Variants in SLC16A10 observed in about 807,000 individuals in gnomAD.
SLC16A10 encodes the protein monocarboxylate transporter 10.
In SLC16A10, 27 loss-of-function variants were observed where a neutral mutation model predicts 40.0. That is an observed-to-expected ratio of 0.67 (90% CI 0.50 to 0.93). SLC16A10 has a LOEUF of 0.93. Among genes scored for constraint, SLC16A10 ranks in the 40% least tolerant of loss-of-function variants. The pLI, the probability that SLC16A10 is intolerant of heterozygous loss-of-function variation, is 0.00. For missense variants in SLC16A10, 529 were observed against 658.2 expected (o/e 0.80, Z 2.15); for synonymous variants, 213 against 249.8 (o/e 0.85, Z 1.39).
intron 1 of SLC16A10, among the ~76,000 whole-genome samples, chr6:111,092,332 T>G (rs1170685256): frequency 2.0e-5 from 3 of 147,640 alleles, no homozygotes; most frequent in Non-Finnish European, 3.0e-5. Flanking sequence ...TTTTTTTTTT[T>G]TTTTTGAGAC....
In SLC16A10 at chr6:111,229,224, G is replaced by A. The variant is rs1324364343; in HGVS notation, c.*6989G>A. ...ATAGAAAATGTATACAGCCAGCAAC[G>A]TTATGCATGTTGCATGTTATATACA... On this transcript the variant is annotated 3_prime_UTR_variant, in exon 6 of 6. Transcript: ENST00000368851. The A allele has an allele frequency of 6.6e-6, 1 of 151,898 alleles. No individual in the cohort carries two copies. Among genetic ancestry groups the A allele is most frequent in the African/African-American group, 2.4e-5 (1 of 41,346 alleles). 9.4% of individuals were successfully genotyped at this position (151,898 alleles called of 1,614,324 possible).
chr6:111,218,697 G>A, intron 4 of SLC16A10, 117 bp from the exon 5 acceptor site: 1 of 776,118 alleles, frequency 1.3e-6, no homozygotes, highest in South Asian at 1.6e-5. Flanking sequence ...AGTGAATGAG[G>A]CAGTGGCAGG....
At chr6:111,159,067 C>CAAAAAAAAAAAAA (rs548809670) in intron 1 of SLC16A10, among the ~76,000 whole-genome samples, 1 of 23,394 alleles carries the variant, frequency 4.3e-5, no homozygotes, top group Non-Finnish European at 8.1e-5. Flanking sequence ...GACCCTGACT[C>CAAAAAAAAAAAAA]AAAAAAAAAA....
chr6:111,099,404 C>T lies in SLC16A10; in HGVS notation c.343+11309C>T, dbSNP rs560175100. Among the ~76,000 whole-genome samples the T allele has an allele frequency of 8.0e-4, 122 of 152,282 alleles. 3 individuals carry two copies. The South Asian group carries it at 0.024, about 30-fold the overall frequency. The stretch of plus-strand genomic sequence containing the variant: ...GAACACAGCTCACTGCAGCCTTGAC[C>T]TGGGCTCAAGCGATTTTCTTGCCTC... On this transcript the variant is annotated intron_variant, in intron 1 of 5. Transcript: ENST00000368851.
At chr6:111,159,359 A>G (rs1772330596) in intron 1 of SLC16A10, among the ~76,000 whole-genome samples, 1 of 152,006 alleles carries the variant, frequency 6.6e-6, no homozygotes, top group East Asian at 1.9e-4. Flanking sequence ...GAACATCCTT[A>G]CTCATTTCTC....
intron 1 of SLC16A10, among the ~76,000 whole-genome samples, chr6:111,092,359 G>T (rs912927453): frequency 1.6e-5 from 2 of 125,702 alleles, no homozygotes; most frequent in Non-Finnish European, 3.1e-5. Context: ...TCACTCTGTC[G>T]CCCAGGCTGG....
At chr6:111,108,220 A>C (rs1033430598) in intron 1 of SLC16A10, among the ~76,000 whole-genome samples, 2 of 152,042 alleles carry the variant, frequency 1.3e-5, no homozygotes, top group African/African-American at 4.8e-5. Context: ...GGGTTTCACC[A>C]TGTTGACCAG....
chr6:111,157,021 C>T (rs746449335), intron 1 of SLC16A10, among the ~76,000 whole-genome samples: 3 of 152,154 alleles, frequency 2.0e-5, no homozygotes, highest in Non-Finnish European at 4.4e-5. Flanking sequence ...TGGTCTCAAG[C>T]GATTCTCCTG....
At chr6:111,141,566 G>A (rs757901697) in intron 1 of SLC16A10, among the ~76,000 whole-genome samples, 10 of 152,138 alleles carry the variant, frequency 6.6e-5, no homozygotes, top group South Asian at 4.2e-4. Context: ...GGAGGCGGAG[G>A]CAGGAGAATC....
intron 1 of SLC16A10, among the ~76,000 whole-genome samples, chr6:111,134,592 T>C (rs573857661): frequency 6.6e-6 from 1 of 151,310 alleles, no homozygotes; most frequent in East Asian, 1.9e-4. Context: ...GTCATGGCCC[T>C]CAGGCAAGCG....
chr6:111,107,859 G>A (rs1473366641), intron 1 of SLC16A10, among the ~76,000 whole-genome samples: 1 of 152,166 alleles, frequency 6.6e-6, no homozygotes, highest in East Asian at 1.9e-4. Flanking sequence ...TATTGTGTGT[G>A]TTTTGAGAAA....
chr6:111,154,892 C>T (rs1044706483), intron 1 of SLC16A10, among the ~76,000 whole-genome samples: 2 of 151,902 alleles, frequency 1.3e-5, no homozygotes. Context: ...GGCGTGGTGG[C>T]AGTGCCTGCA....
chr6:111,160,268 T>TCA (rs1361276133), intron 1 of SLC16A10, among the ~76,000 whole-genome samples: 3 of 152,228 alleles, frequency 2.0e-5, no homozygotes, highest in Non-Finnish European at 4.4e-5. Context: ...AGACAGAGTC[T>TCA]CACTCTGTTG....
In SLC16A10 at chr6:111,113,420, C is replaced by T. The variant is rs940273394; in HGVS notation, c.343+25325C>T. ...AATCTGCCTCCAGCAAGGTGTTTTT[C>T]GATCACATGGAAAGGGGAAGAAGAA... On this transcript the variant is annotated intron_variant, in intron 1 of 5. Coordinates refer to ENST00000368851, the MANE Select transcript of SLC16A10 (RefSeq NM_018593.5). Among the ~76,000 whole-genome samples the T allele has an allele frequency of 5.3e-5, 8 of 152,096 alleles. No individual in the cohort carries two copies. In the East Asian group the frequency reaches 5.8e-4, roughly 11 times the overall value.
At chr6:111,162,057 G>A (rs533580775) in intron 1 of SLC16A10, among the ~76,000 whole-genome samples, 6 of 152,278 alleles carry the variant, frequency 3.9e-5, no homozygotes, top group African/African-American at 1.4e-4. Context: ...AACAACTAAT[G>A]AGACTAGAAT....
At chr6:111,182,383 A>G (rs1583348821) in intron 3 of SLC16A10, among the ~76,000 whole-genome samples, 1 of 139,072 alleles carries the variant, frequency 7.2e-6, no homozygotes, top group African/African-American at 2.7e-5. Flanking sequence ...AGGAGCATAA[A>G]CTCTCTTGGT....
intron 4 of SLC16A10, among the ~76,000 whole-genome samples, chr6:111,207,675 G>A (rs1220312504): frequency 1.3e-5 from 2 of 152,188 alleles, no homozygotes; most frequent in Non-Finnish European, 2.9e-5. Context: ...GCTGAGCAGA[G>A]TTAAGAGGTG....
At chr6:111,201,702 A>C (rs1232609689) in intron 3 of SLC16A10, among the ~76,000 whole-genome samples, 3 of 152,252 alleles carry the variant, frequency 2.0e-5, no homozygotes, top group Non-Finnish European at 4.4e-5. Context: ...CAGTCTTAGG[A>C]AACAGTACAG....
At chr6:111,175,681 T>C (rs1220106620) in intron 2 of SLC16A10, among the ~76,000 whole-genome samples, 1 of 151,190 alleles carries the variant, frequency 6.6e-6, no homozygotes, top group Non-Finnish European at 1.5e-5. Flanking sequence ...AAGCAGACTA[T>C]GAATATCTTG....
Sources: allele counts gnomAD v4.1 joint callset (sites outside exome capture counted in the v4.1 genomes callset), GRCh38; gene constraint gnomAD v4.1.1; transcripts MANE v1.5; gene names NCBI Gene and HGNC (gene_info 2026-07-23, HGNC 2026-07-21).